The following ANKS1B variants were observed in gnomAD, a reference collection of about 807,000 sequenced individuals.
ANKS1B encodes the protein ankyrin repeat and sterile alpha motif domain-containing protein 1B.
In ANKS1B, 36 loss-of-function variants were observed where a neutral mutation model predicts 148.3. That is an observed-to-expected ratio of 0.24 (90% confidence interval 0.19 to 0.32). The LOEUF (loss-of-function observed/expected upper bound fraction) is 0.32. ANKS1B is among the 10% of genes least tolerant of loss of function. ANKS1B has a pLI of 1.00. For missense variants in ANKS1B, 1,157 were observed against 1,542.6 expected (o/e 0.75, Z 4.19); for synonymous variants, 542 against 560.8 (o/e 0.97, Z 0.47).
chr12:99,809,116 T>C (rs1486971961), intron 3 of ANKS1B, among the ~76,000 whole-genome samples: 1 of 152,150 alleles, frequency 6.6e-6, no homozygotes, highest in Non-Finnish European at 1.5e-5. Flanking sequence ...GAGGCACTGA[T>C]TAATAATTCC....
intron 8 of ANKS1B, among the ~76,000 whole-genome samples, chr12:99,716,245 G>T (rs1371197487): frequency 1.3e-5 from 2 of 151,084 alleles, no homozygotes; most frequent in Non-Finnish European, 2.9e-5. Context: ...TTATTTCCAT[G>T]CCCTGACCTC....
At chr12:98,855,839 C>T (rs1250717861) in intron 17 of ANKS1B, among the ~76,000 whole-genome samples, 2 of 152,024 alleles carry the variant, frequency 1.3e-5, no homozygotes, top group Non-Finnish European at 2.9e-5. Flanking sequence ...TTACTACTGG[C>T]ATTGTCATAC....
At chr12:98,740,999 T>C (rs936793969), downstream of ANKS1B, among the ~76,000 whole-genome samples, 13 of 152,214 alleles carry the variant, frequency 8.5e-5, no homozygotes, top group African/African-American at 2.9e-4. Flanking sequence ...AGTAGAAATA[T>C]AGAAGGATCT....
At chr12:99,768,984 C>T (rs930213620) in intron 8 of ANKS1B, among the ~76,000 whole-genome samples, 7 of 151,158 alleles carry the variant, frequency 4.6e-5, no homozygotes, top group African/African-American at 1.5e-4. Context: ...TTGGGCTTCT[C>T]GGACTCCAGA....
intron 10 of ANKS1B, among the ~76,000 whole-genome samples, chr12:99,499,927 T>C (rs12298545): frequency 0.012 from 1,839 of 150,310 alleles, 50 homozygotes; most frequent in African/African-American, 0.043. Flanking sequence ...AGCACCGAGA[T>C]TGGGCAGCAG....
At chr12:99,690,092 G>A (rs1461632779) in intron 8 of ANKS1B, among the ~76,000 whole-genome samples, 2 of 152,164 alleles carry the variant, frequency 1.3e-5, no homozygotes, top group Admixed American at 1.3e-4. Flanking sequence ...AGGACAGAGT[G>A]AGTGCAAGCA....
intron 8 of ANKS1B, among the ~76,000 whole-genome samples, chr12:99,665,112 G>A (rs1034433431): frequency 2.6e-5 from 4 of 152,280 alleles, no homozygotes; most frequent in South Asian, 4.1e-4. Context: ...GTGCCCATAA[G>A]TTTTTGTTTC....
intron 9 of ANKS1B, among the ~76,000 whole-genome samples, chr12:99,542,766 T>C (rs998680939): frequency 4.6e-5 from 7 of 152,190 alleles, no homozygotes; most frequent in African/African-American, 1.4e-4. Context: ...GGTGCTGGGA[T>C]AACTGGATAT....
intron 15 of ANKS1B, among the ~76,000 whole-genome samples, chr12:99,109,340 T>C (rs943123134): frequency 3.3e-5 from 5 of 152,076 alleles, no homozygotes; most frequent in African/African-American, 4.8e-5. Context: ...GAAATAAACA[T>C]AAAGGAATGA....
chr12:98,755,825 T>C (rs2098226877), intron 25 of ANKS1B, among the ~76,000 whole-genome samples: 1 of 152,168 alleles, frequency 6.6e-6, no homozygotes, highest in African/African-American at 2.4e-5. Context: ...TCTACCCAGC[T>C]TGTCTCTAAG....
intron 14 of ANKS1B, among the ~76,000 whole-genome samples, chr12:99,191,717 T>C (rs1436659038): frequency 1.3e-5 from 2 of 152,052 alleles, no homozygotes; most frequent in Non-Finnish European, 2.9e-5. Context: ...AGGGGAGGGA[T>C]AGCATTAGGA....
chr12:99,641,889 T>G (rs543373537), intron 9 of ANKS1B, among the ~76,000 whole-genome samples: 2 of 152,168 alleles, frequency 1.3e-5, no homozygotes, highest in South Asian at 2.1e-4. Flanking sequence ...AATATTCACA[T>G]GGAATTTGGC....
chr12:99,975,922 C>T lies in ANKS1B; in HGVS notation c.134+8182G>A, dbSNP rs1356772536. Among the ~76,000 whole-genome samples, 4 of 151,954 alleles carry T rather than the reference C, an allele frequency of 2.6e-5. No homozygotes were observed. The East Asian group carries it at 7.7e-4, about 29-fold the overall frequency. Reference sequence around the variant, plus strand: ...TTCATGTTCATTGCTGTGCTATGCACAATAGCAAAGACATGGAATCAATCT... The same window carrying T: ...TTCATGTTCATTGCTGTGCTATGCATAATAGCAAAGACATGGAATCAATCT... On this transcript the variant is annotated intron_variant, in intron 1 of 26. Coordinates refer to ENST00000683438, the MANE Select transcript of ANKS1B (RefSeq NM_001352186.2).
chr12:99,521,981 C>T (rs919363986), intron 9 of ANKS1B, among the ~76,000 whole-genome samples: 1 of 152,176 alleles, frequency 6.6e-6, no homozygotes, highest in Admixed American at 6.5e-5. Context: ...GGAAGTTCCC[C>T]TAGGTCCTGG....
chr12:99,648,706 G>C, intron 9 of ANKS1B: 1 of 1,614,126 alleles, frequency 6.2e-7, no homozygotes, highest in Non-Finnish European at 8.5e-7. Context: ...ACCACCAGTG[G>C]AGGCTTACAG....
chr12:99,969,791 A>C (rs2095536143), intron 1 of ANKS1B, among the ~76,000 whole-genome samples: 1 of 152,246 alleles, frequency 6.6e-6, no homozygotes, highest in Admixed American at 6.5e-5. Flanking sequence ...GAAGCAATAC[A>C]GCACAATTGA....
chr12:99,601,010 T>C (rs2097795559), intron 9 of ANKS1B, among the ~76,000 whole-genome samples: 1 of 152,050 alleles, frequency 6.6e-6, no homozygotes, highest in Non-Finnish European at 1.5e-5. Flanking sequence ...GCTGGGACCA[T>C]GCCAGATAGT....
At chr12:99,539,356 G>A (rs1164650101) in intron 9 of ANKS1B, among the ~76,000 whole-genome samples, 1 of 152,084 alleles carries the variant, frequency 6.6e-6, no homozygotes, top group Non-Finnish European at 1.5e-5. Context: ...TACAAATAAG[G>A]GAGGAGGAAA....
chr12:99,120,609 T>C (rs1319523954), intron 15 of ANKS1B, among the ~76,000 whole-genome samples: 1 of 152,170 alleles, frequency 6.6e-6, no homozygotes, highest in Non-Finnish European at 1.5e-5. Flanking sequence ...TGAAAAGAAA[T>C]ATTATCAAGT....
Sources: allele counts gnomAD v4.1 joint callset (sites outside exome capture counted in the v4.1 genomes callset), GRCh38; gene constraint gnomAD v4.1.1; transcripts MANE v1.5; gene names NCBI Gene and HGNC (gene_info 2026-07-23, HGNC 2026-07-21).